Variants in ZNF480 observed in about 807,000 individuals in gnomAD.
ZNF480 encodes the protein zinc finger protein 480.
Under a neutral mutation model 14.4 loss-of-function variants are expected in ZNF480, and 15 were observed. The ratio of observed to expected loss-of-function variants is 1.04; its 90% CI spans 0.70 to 1.60. The LOEUF is 1.60. ZNF480 is among the 40% of genes most tolerant of loss of function. ZNF480 has a pLI of 0.00. For missense variants in ZNF480, 593 were observed against 629.7 expected (o/e 0.94, Z 0.62); for synonymous variants, 218 against 215.5 (o/e 1.01, Z -0.10).
chr19:52,297,308 T>C (rs1457564006), intron 1 of ZNF480, 85 bp downstream of exon 1: 6 of 420,290 alleles, frequency 1.4e-5, no homozygotes, highest in Non-Finnish European at 4.7e-6. Flanking sequence ...CACACAGACC[T>C]TGAAATCCTC....
At position 52,323,169 on chromosome 19, in the gene ZNF480, A is replaced by G. The variant is rs372508495; in HGVS notation, c.*311A>G. On this transcript the variant is annotated 3_prime_UTR_variant, in exon 5 of 5. Transcript: ENST00000595962. ...ATACGAAAAACCCTCAAAGATTACT[A>G]TAAACACCTGTATGCACACAAACTA... 4.0e-4 allele frequency: 100 copies of G among 248,096 alleles called. No homozygotes were observed. The East Asian group carries it at 7.8e-3, about 19-fold the overall frequency. The allele number at this position is 248,096 out of a possible 1,614,324, so 15.4% of individuals were successfully genotyped here.
Position 52,322,200 on chromosome 19 carries a change from G to A in ZNF480, c.950G>A (p.Cys317Tyr). Residue 317 changes from cysteine (C) to tyrosine (Y), a missense_variant, in exon 5 of 5, where the codon TGT becomes TAT. By Grantham distance (194) the Cys-to-Tyr change is radical. Coordinates refer to ENST00000595962, the MANE Select transcript of ZNF480 (RefSeq NM_144684.4). ...RIHAEEKPYK[C>Y]NECGKGFSHK... ...CATGCTGAAGAGAAACCTTACAAAT[G>A]TAATGAATGTGGTAAAGGCTTCAGT... The A allele has an allele frequency of 1.2e-6, 2 of 1,614,080 alleles. No homozygotes were observed. Among genetic ancestry groups the A allele is most frequent in the Non-Finnish European group, 1.7e-6 (2 of 1,180,012 alleles).
chr19:52,318,256 A>G (rs534029162), intron 4 of ZNF480, among the ~76,000 whole-genome samples: 1 of 151,964 alleles, frequency 6.6e-6, no homozygotes, highest in Non-Finnish European at 1.5e-5. Flanking sequence ...ACAGGTGCAC[A>G]CCACCATGCC....
chr19:52,321,550 T>G, intron 4 of ZNF480, 29 bp from the exon 5 acceptor site: 1 of 1,534,014 alleles, frequency 6.5e-7, no homozygotes, highest in Non-Finnish European at 8.7e-7. Flanking sequence ...TTATGGGGTC[T>G]GAATTTTACT....
intron 4 of ZNF480, among the ~76,000 whole-genome samples, chr19:52,319,939 T>C (rs1983737233): frequency 6.6e-6 from 1 of 150,606 alleles, no homozygotes; most frequent in Non-Finnish European, 1.5e-5. Context: ...TGCCACAGCC[T>C]CCTGAGTAGC....
chr19:52,316,979 T>C (rs527260260), intron 4 of ZNF480, among the ~76,000 whole-genome samples: 1 of 152,334 alleles, frequency 6.6e-6, no homozygotes, highest in Non-Finnish European at 1.5e-5. Context: ...CGCCCACCTT[T>C]TTATTATTTT....
intron 4 of ZNF480, among the ~76,000 whole-genome samples, chr19:52,316,861 G>A (rs1433271355): frequency 6.6e-6 from 1 of 152,068 alleles, no homozygotes; most frequent in African/African-American, 2.4e-5. Context: ...CATCTATTTT[G>A]TAGCACATCA....
chr19:52,311,022 A>T (rs1474497005), intron 2 of ZNF480, among the ~76,000 whole-genome samples: 8 of 151,386 alleles, frequency 5.3e-5, no homozygotes, highest in Admixed American at 4.6e-4. Context: ...AAAAAAAAAA[A>T]AAAAGATGTA....
Position 52,300,445 on chromosome 19 carries a change from G to T in ZNF480, c.33G>T (p.Arg11Ser), listed in dbSNP as rs1456406594. ...GTGATGAAAAAGCCCAGAAGAGAAG[G>T]AAGAGGAAAGCAAAGGAGTCAGGGA... MLCDEKAQKR[R>S]KRKAKESGMA... Residue 11 changes from arginine (R) to serine (S), a missense_variant, in exon 2 of 5, where the codon AGG becomes AGT. Physicochemically the swap from Arg to Ser is moderately radical, Grantham distance 110. Coordinates refer to ENST00000595962, the MANE Select transcript of ZNF480 (RefSeq NM_144684.4). 6.2e-7 allele frequency: 1 copy of T among 1,613,336 alleles called. No individual in the cohort carries two copies. The highest frequency in any genetic ancestry group is 1.3e-5 in the African/African-American group (1 of 74,846).
intron 2 of ZNF480, among the ~76,000 whole-genome samples, chr19:52,309,738 G>A (rs1449407157): frequency 1.3e-5 from 2 of 152,204 alleles, no homozygotes; most frequent in Admixed American, 6.5e-5. Context: ...GCATCTCTGG[G>A]TGCAGCCTCC....
At chr19:52,313,846 G>A (rs1175675046) in intron 2 of ZNF480, 2 of 429,004 alleles carry the variant, frequency 4.7e-6, no homozygotes, top group East Asian at 7.2e-5. Flanking sequence ...AGGTGTGATG[G>A]TGTGCACCTG....
Position 52,325,652 on chromosome 19 carries a change from GA to G in ZNF480, c.*2796del, listed in dbSNP as rs1258995080. The G allele has an allele frequency of 2.6e-5, 4 of 152,196 alleles. No individual in the cohort carries two copies. Among genetic ancestry groups the G allele is most frequent in the Non-Finnish European group, 4.4e-5 (3 of 68,046 alleles). 9.4% of individuals were successfully genotyped at this position (152,196 alleles called of 1,614,324 possible). A position where few individuals can be genotyped will look rare whatever the true frequency, so the allele number is the denominator to read the frequency against. ...TGGAGCTGAGGCTCTTATCCTAAGT[GA>G]ATTAATGCAGGAACAGAAAATGAAA... On this transcript the variant is annotated 3_prime_UTR_variant, in exon 5 of 5. Transcript: ENST00000595962.
chr19:52,297,225 T>A lies in ZNF480; in HGVS notation c.-20+2T>A. 2.3e-6 allele frequency: 1 copy of A among 443,706 alleles called. No individual in the cohort carries two copies. The highest frequency in any genetic ancestry group is 2.4e-5 in the Admixed American group (1 of 40,994). The allele number at this position is 443,706 out of a possible 1,614,324, so 27.5% of individuals were successfully genotyped here. ...GGAGTGAAGGTCACGCCGCGGCGCG[T>A]GAGTTTCCCTTTGTGTAAATTAATC... is the stretch of plus-strand genomic sequence containing the variant. On this transcript the variant is annotated splice_donor_variant, in intron 1 of 4. Coordinates refer to ENST00000595962, the MANE Select transcript of ZNF480 (RefSeq NM_144684.4). LOFTEE classifies it low-confidence loss of function (5UTR_SPLICE).
At chr19:52,313,519 TGGTA>T (rs1983394603) in intron 2 of ZNF480, among the ~76,000 whole-genome samples, 1 of 152,128 alleles carries the variant, frequency 6.6e-6, no homozygotes, top group African/African-American at 2.4e-5. Context: ...GTGGTGATAT[TGGTA>T]GGTATTCAGA....
intron 2 of ZNF480, among the ~76,000 whole-genome samples, chr19:52,310,758 T>C (rs928675281): frequency 6.6e-6 from 1 of 151,954 alleles, no homozygotes; most frequent in Admixed American, 6.6e-5. Flanking sequence ...CCCAGCACTT[T>C]GGGAGGCCGA....
intron 1 of ZNF480, among the ~76,000 whole-genome samples, chr19:52,300,193 A>C (rs1982619761): frequency 6.6e-6 from 1 of 152,168 alleles, no homozygotes; most frequent in Admixed American, 6.5e-5. Context: ...CATCTCTAGG[A>C]GGGGAGCAGG....
At chr19:52,306,867 A>G (rs1982956546) in intron 2 of ZNF480, among the ~76,000 whole-genome samples, 2 of 152,270 alleles carry the variant, frequency 1.3e-5, no homozygotes, top group East Asian at 3.9e-4. Flanking sequence ...CACTAGGGCA[A>G]CTACTTTTTG....
At position 52,322,047 on chromosome 19, in the gene ZNF480, A is replaced by G. The variant is rs1391553690; in HGVS notation, c.797A>G (p.Lys266Arg). The change falls in exon 5 of 5, where the codon AAG (lysine) becomes AGG (arginine). Residue 266 changes from lysine to arginine, a missense_variant. Transcript: ENST00000595962. ...CCTTACAAATGTAATGTCTGTGGCA[A>G]GGTTTTTAGTTACAATTCAAACTTT... is the stretch of plus-strand genomic sequence containing the variant. ...EKPYKCNVCGKVFSYNSNFAR... is the reference protein window; with the variant it reads ...EKPYKCNVCGRVFSYNSNFAR... 1.2e-6 allele frequency: 2 copies of G among 1,614,058 alleles called. No homozygotes were observed. Among genetic ancestry groups the G allele is most frequent in the Admixed American group, 1.7e-5 (1 of 59,986 alleles).
chr19:52,314,473 C>CAAAAAAAAAAA (rs34349660), intron 3 of ZNF480, among the ~76,000 whole-genome samples, 194 bp downstream of exon 3: 40 of 66,186 alleles, frequency 6.0e-4, no homozygotes, highest in African/African-American at 1.6e-3. Flanking sequence ...AACTCCGTCC[C>CAAAAAAAAAAA]AAAAAAAAAA....
Sources: gnomAD v4.1 joint callset for allele counts (sites outside exome capture counted in the v4.1 genomes callset) on GRCh38, gnomAD v4.1.1 for gene constraint, MANE v1.5 for transcripts, NCBI Gene and HGNC (gene_info 2026-07-23, HGNC 2026-07-21) for gene names.